SLC24A3: variants seen among roughly 807,000 people sequenced by gnomAD.
SLC24A3 encodes the protein sodium/potassium/calcium exchanger 3.
SLC24A3 carries 28 observed loss-of-function variants against 75.8 expected under a neutral mutation model. That is an observed-to-expected ratio of 0.37 (90% confidence interval 0.27 to 0.51). SLC24A3 has a LOEUF of 0.51. Ranked by LOEUF, SLC24A3 falls within the 20% of genes least tolerant of loss-of-function variation. The pLI is 0.94. For synonymous variants in SLC24A3, 372 were observed against 334.1 expected (o/e 1.11, Z -1.24); for missense variants, 663 against 847.8 (o/e 0.78, Z 2.71).
chr20:19,420,516 C>T (rs1986899939), intron 2 of SLC24A3, among the ~76,000 whole-genome samples: 1 of 147,910 alleles, frequency 6.8e-6, no homozygotes, highest in Admixed American at 6.8e-5. Context: ...TTAATGATTG[C>T]CATTCTAACT....
intron 6 of SLC24A3, among the ~76,000 whole-genome samples, chr20:19,624,425 A>T (rs572220247): frequency 6.6e-6 from 1 of 152,384 alleles, no homozygotes; most frequent in Admixed American, 6.5e-5. Flanking sequence ...TGTAACAAAA[A>T]GCACCTGAAT....
intron 6 of SLC24A3, among the ~76,000 whole-genome samples, chr20:19,593,137 T>C (rs1438933374): frequency 6.6e-6 from 1 of 152,194 alleles, no homozygotes; most frequent in African/African-American, 2.4e-5. Flanking sequence ...AGTCTTACCA[T>C]CATGGCAGCT....
At chr20:19,643,240 G>A (rs1355110180) in intron 6 of SLC24A3, among the ~76,000 whole-genome samples, 1 of 152,156 alleles carries the variant, frequency 6.6e-6, no homozygotes, top group Non-Finnish European at 1.5e-5. Context: ...TGGGGGGTTG[G>A]GAGGAGTCAC....
chr20:19,443,793 T>C (rs1425961993), intron 2 of SLC24A3, among the ~76,000 whole-genome samples: 1 of 152,184 alleles, frequency 6.6e-6, no homozygotes, highest in Non-Finnish European at 1.5e-5. Context: ...CCTTTACTTT[T>C]ACTGTTAAAC....
At chr20:19,430,231 A>G (rs778949226) in intron 2 of SLC24A3, among the ~76,000 whole-genome samples, 6 of 152,188 alleles carry the variant, frequency 3.9e-5, no homozygotes, top group Non-Finnish European at 8.8e-5. Flanking sequence ...TCTTACAGAC[A>G]TGGCCAAAGA....
intron 2 of SLC24A3, among the ~76,000 whole-genome samples, chr20:19,489,039 A>G (rs1988168727): frequency 6.6e-6 from 1 of 152,184 alleles, no homozygotes; most frequent in African/African-American, 2.4e-5. Context: ...AAACCCGCAT[A>G]CGTCTTCTTT....
chr20:19,271,304 C>T (rs1280541216), intron 1 of SLC24A3, among the ~76,000 whole-genome samples: 1 of 150,440 alleles, frequency 6.6e-6, no homozygotes, highest in Non-Finnish European at 1.5e-5. Context: ...CTTACTCCTG[C>T]AAGAATGGCC....
At chr20:19,701,526 G>A (rs542635141) in intron 15 of SLC24A3, among the ~76,000 whole-genome samples, 13 of 152,054 alleles carry the variant, frequency 8.5e-5, no homozygotes, top group East Asian at 1.9e-4. Context: ...CAAAAGCTTC[G>A]CAGTTAACAC....
chr20:19,266,768 C>G (rs6106050), intron 1 of SLC24A3, among the ~76,000 whole-genome samples: 2 of 152,098 alleles, frequency 1.3e-5, no homozygotes, highest in African/African-American at 4.8e-5. Flanking sequence ...TCAACAGAGC[C>G]TGAGGCAAGG....
At chr20:19,365,106 G>A (rs923659643) in intron 2 of SLC24A3, among the ~76,000 whole-genome samples, 7 of 152,072 alleles carry the variant, frequency 4.6e-5, no homozygotes, top group Non-Finnish European at 7.4e-5. Flanking sequence ...TCTCCCATGA[G>A]GCCTTGCACT....
At chr20:19,693,559 A>T in intron 13 of SLC24A3, 134 bp downstream of exon 13, 1 of 1,161,192 alleles carries the variant, frequency 8.6e-7, no homozygotes. Context: ...AACCACTCCT[A>T]AACTTAGTAG....
intron 2 of SLC24A3, among the ~76,000 whole-genome samples, chr20:19,304,288 C>A (rs1431038018): frequency 6.6e-6 from 1 of 152,194 alleles, no homozygotes; most frequent in Non-Finnish European, 1.5e-5. Flanking sequence ...GGTCTTTAAG[C>A]CACCTGGCTC....
intron 2 of SLC24A3, among the ~76,000 whole-genome samples, chr20:19,359,265 T>A (rs757730757): frequency 1.3e-5 from 2 of 152,148 alleles, no homozygotes; most frequent in Non-Finnish European, 2.9e-5. Context: ...AAAAAAAAAG[T>A]TCTTGTTCTT....
At chr20:19,673,721 G>A in intron 9 of SLC24A3, 67 bp downstream of exon 9, 1 of 1,367,936 alleles carries the variant, frequency 7.3e-7, no homozygotes, top group Non-Finnish European at 1.0e-6. Flanking sequence ...GATGATGTGG[G>A]AAGAGGATTG....
At chr20:19,534,379 G>A (rs967447356) in intron 3 of SLC24A3, among the ~76,000 whole-genome samples, 1 of 98,832 alleles carries the variant, frequency 1.0e-5, no homozygotes, top group East Asian at 2.8e-4. Flanking sequence ...AGTCCTGTTT[G>A]ACATCCAAAA....
At chr20:19,555,711 A>G (rs1482658172) in intron 3 of SLC24A3, among the ~76,000 whole-genome samples, 1 of 152,176 alleles carries the variant, frequency 6.6e-6, no homozygotes, top group African/African-American at 2.4e-5. Context: ...TTATGCATTC[A>G]AAAGAAACCC....
At chr20:19,368,368 G>A (rs375935628) in intron 2 of SLC24A3, among the ~76,000 whole-genome samples, 1 of 152,164 alleles carries the variant, frequency 6.6e-6, no homozygotes, top group African/African-American at 2.4e-5. Context: ...TGGGACCCTC[G>A]TGCCCCTACT....
intron 2 of SLC24A3, among the ~76,000 whole-genome samples, chr20:19,349,586 C>T (rs569335415): frequency 3.3e-5 from 5 of 152,134 alleles, no homozygotes; most frequent in Non-Finnish European, 7.4e-5. Context: ...GTGTAAATAT[C>T]CCAGTTCCCT....
chr20:19,311,245 G>T (rs114799485), intron 2 of SLC24A3, among the ~76,000 whole-genome samples: 27 of 152,266 alleles, frequency 1.8e-4, no homozygotes, highest in African/African-American at 6.5e-4. Context: ...AAGGCTCAAG[G>T]CTTCAAGAGA....
Sources: gnomAD v4.1 joint callset for allele counts (sites outside exome capture counted in the v4.1 genomes callset) on GRCh38, gnomAD v4.1.1 for gene constraint, MANE v1.5 for transcripts, NCBI Gene and HGNC (gene_info 2026-07-23, HGNC 2026-07-21) for gene names.